Variants in TSC22D3 observed in about 807,000 individuals in gnomAD.
TSC22D3 encodes TSC22 domain family member 3.
In TSC22D3, 4 loss-of-function variants were observed where a neutral mutation model predicts 11.1. The observed-to-expected ratio is 0.36, with a 90% CI of 0.18 to 0.83. The LOEUF (loss-of-function observed/expected upper bound fraction) is 0.83, where lower values mean the gene tolerates loss of function less well. TSC22D3 is among the 40% of genes least tolerant of loss of function. The pLI is 0.48. For synonymous variants in TSC22D3, 77 were observed against 70.3 expected, an observed-to-expected ratio of 1.10 and a Z score of -0.48; for missense variants, 118 against 159.4, an observed-to-expected ratio of 0.74 and a Z score of 1.40.
chrX:107,723,184 A>T lies in TSC22D3; in HGVS notation c.321-7234T>A, dbSNP rs1053185960. Among the ~76,000 whole-genome samples the T allele has an allele frequency of 1.8e-4, 20 of 111,167 alleles. No individual in the cohort carries two copies. In the South Asian group the frequency reaches 1.9e-3, roughly 11 times the overall value. On this transcript the variant is annotated intron_variant, in intron 1 of 2. Coordinates refer to ENST00000372383, the MANE Select transcript of TSC22D3 (RefSeq NM_198057.3). ...CTCAACTGGTGCCCACCTAGATAGG[A>T]TAATGCAGCAGCACGAAACTTAGGG... is the stretch of plus-strand genomic sequence containing the variant.
At chrX:107,742,320 T>TGG (rs1928451482) in intron 1 of TSC22D3, among the ~76,000 whole-genome samples, 1 of 24,876 alleles carries the variant, frequency 4.0e-5, no homozygotes, top group Admixed American at 4.6e-4. Context: ...AGAGAGAGAG[T>TGG]GTGTGTGCGC....
At chrX:107,737,738 T>C (rs1928210901) in intron 1 of TSC22D3, among the ~76,000 whole-genome samples, 1 of 112,112 alleles carries the variant, frequency 8.9e-6, no homozygotes, top group African/African-American at 3.2e-5. Flanking sequence ...CTACTTTGTG[T>C]CAGACACTGG....
intron 1 of TSC22D3, among the ~76,000 whole-genome samples, chrX:107,750,138 G>GGCAACATA (rs1256104363): frequency 1.8e-5 from 2 of 111,882 alleles, no homozygotes; most frequent in Admixed American, 9.5e-5. Flanking sequence ...CTCCAGCCTG[G>GGCAACATA]GCAACATAGC....
chrX:107,759,460 G>C (rs1039786814), intron 1 of TSC22D3, among the ~76,000 whole-genome samples: 4 of 111,969 alleles, frequency 3.6e-5, no homozygotes, highest in African/African-American at 1.3e-4. Flanking sequence ...TTTGTAAGTA[G>C]GCAAAGCAGC....
In TSC22D3 at chrX:107,769,715, T is replaced by TCACACACACA. The variant is rs748668681; in HGVS notation, c.320+5375_320+5384dup. Among the ~76,000 whole-genome samples, 314 of 101,513 alleles carry TCACACACACA rather than the reference T, an allele frequency of 3.1e-3. 1 individual carries two copies. Among genetic ancestry groups the TCACACACACA allele is most frequent in the African/African-American group, 0.011 (303 of 27,135 alleles). The allele number at this position is 101,513 out of a possible 115,157, so 88.2% of individuals were successfully genotyped here. A position where few individuals can be genotyped will look rare whatever the true frequency, so the allele number is the denominator to read the frequency against. On this transcript the variant is annotated intron_variant, in intron 1 of 2. Transcript: ENST00000372383. ...TATAATACATCTCTCTCTTTCTCTT[T>TCACACACACA]CACACACACACACACACACACACAC... is the stretch of plus-strand genomic sequence containing the variant.
At chrX:107,751,864 A>G (rs891563441) in intron 1 of TSC22D3, among the ~76,000 whole-genome samples, 6 of 111,975 alleles carry the variant, frequency 5.4e-5, no homozygotes, top group Admixed American at 1.9e-4. Flanking sequence ...CCAAAACTCA[A>G]CTCTACTTGC....
rs1006894113 is a variant in TSC22D3 at position 107,757,125 on chromosome X, A to G, written c.320+17975T>C. Among the ~76,000 whole-genome samples, 4 of 112,828 alleles carry G rather than the reference A, an allele frequency of 3.5e-5. No homozygotes were observed. The East Asian group carries it at 8.3e-4, about 23-fold the overall frequency. ...GTCTAACAATCAGGGCCAACCAACA[A>G]GGGAAGTGGCTTGTATGTAGATTGC... On this transcript the variant is annotated intron_variant, in intron 1 of 2. Coordinates refer to ENST00000372383, the MANE Select transcript of TSC22D3 (RefSeq NM_198057.3).
At chrX:107,745,575 C>G (rs1367737532) in intron 1 of TSC22D3, among the ~76,000 whole-genome samples, 4 of 112,474 alleles carry the variant, frequency 3.6e-5, no homozygotes, top group Non-Finnish European at 7.5e-5. Flanking sequence ...GTTTGTACTT[C>G]TCTCCTGCTT....
chrX:107,768,322 C>T (rs1929758859), intron 1 of TSC22D3, among the ~76,000 whole-genome samples: 1 of 112,146 alleles, frequency 8.9e-6, no homozygotes, highest in Non-Finnish European at 1.9e-5. Flanking sequence ...ACCCAGACTC[C>T]CTGGCCTTCA....
At chrX:107,746,803 C>T (rs193200488) in intron 1 of TSC22D3, among the ~76,000 whole-genome samples, 5 of 112,458 alleles carry the variant, frequency 4.4e-5, no homozygotes, top group Admixed American at 9.4e-5. Context: ...AAGGAGTCTG[C>T]GCTCAATACA....
intron 1 of TSC22D3, among the ~76,000 whole-genome samples, chrX:107,717,388 T>C (rs1430745737): frequency 8.9e-6 from 1 of 112,795 alleles, no homozygotes; most frequent in Admixed American, 9.3e-5. Flanking sequence ...GCAGCCAGCA[T>C]GCCCCCATGG....
chrX:107,742,281 AAGAGAGAGAGAGAG>A (rs764889060), intron 1 of TSC22D3, among the ~76,000 whole-genome samples: 25 of 56,812 alleles, frequency 4.4e-4, no homozygotes, highest in African/African-American at 1.5e-3. Flanking sequence ...GAGAGAGAGA[AAGAGAGAGAGAGAG>A]AGAGAGAGAG....
chrX:107,715,214 A>G (rs747717520), intron 2 of TSC22D3, among the ~76,000 whole-genome samples: 2 of 112,281 alleles, frequency 1.8e-5, no homozygotes, highest in Non-Finnish European at 3.8e-5. Context: ...TGGCTATTTT[A>G]GAGTCTCCTC....
Position 107,747,855 on chromosome X carries a change from C to T in TSC22D3, c.320+27245G>A, listed in dbSNP as rs1025288853. Among the ~76,000 whole-genome samples the T allele has an allele frequency of 6.2e-5, 7 of 112,743 alleles. No homozygotes were observed. In the Admixed American group the frequency reaches 6.6e-4, roughly 11 times the overall value. ...CCATAAAGGCAGATTCTAATTTGTT[C>T]AGCAAGCAGCTGCCAATTCTTCTGG... On this transcript the variant is annotated intron_variant, in intron 1 of 2. Coordinates refer to ENST00000372383, the MANE Select transcript of TSC22D3 (RefSeq NM_198057.3).
At chrX:107,727,572 C>G (rs1927704231) in intron 1 of TSC22D3, among the ~76,000 whole-genome samples, 1 of 110,807 alleles carries the variant, frequency 9.0e-6, no homozygotes, top group South Asian at 3.8e-4. Flanking sequence ...TTATGGACAC[C>G]CTGTAGGTAG....
chrX:107,753,376 A>T (rs1929026663), intron 1 of TSC22D3, among the ~76,000 whole-genome samples: 1 of 110,756 alleles, frequency 9.0e-6, no homozygotes, highest in Non-Finnish European at 1.9e-5. Context: ...CTCAGCTCAC[A>T]CTTCCCTCCT....
intron 1 of TSC22D3, among the ~76,000 whole-genome samples, chrX:107,760,059 C>T (rs1051643318): frequency 8.8e-6 from 1 of 113,007 alleles, no homozygotes; most frequent in Non-Finnish European, 1.9e-5. Context: ...GGGCCGGATC[C>T]TCCGGGAGAG....
chrX:107,724,649 C>A (rs760181996), intron 1 of TSC22D3, among the ~76,000 whole-genome samples: 6 of 112,359 alleles, frequency 5.3e-5, no homozygotes, highest in Non-Finnish European at 9.4e-5. Flanking sequence ...ATGGCCTCTG[C>A]GCTCTCTGAC....
At chrX:107,719,049 T>C (rs933875158) in intron 1 of TSC22D3, among the ~76,000 whole-genome samples, 1 of 112,330 alleles carries the variant, frequency 8.9e-6, no homozygotes, top group African/African-American at 3.2e-5. Context: ...TGACCTTTCA[T>C]TGGCTTGTTA....
Sources: allele counts gnomAD v4.1 joint callset (sites outside exome capture counted in the v4.1 genomes callset), GRCh38; gene constraint gnomAD v4.1.1; transcripts MANE v1.5; gene names NCBI Gene and HGNC (gene_info 2026-07-23, HGNC 2026-07-21).